TRPC4AP: variants seen among roughly 807,000 people sequenced by gnomAD.
The protein encoded by TRPC4AP is short transient receptor potential channel 4-associated protein.
In TRPC4AP, 45 loss-of-function variants were observed where a neutral mutation model predicts 99.0. The ratio of observed to expected loss-of-function variants is 0.45; its 90% CI spans 0.36 to 0.58. The LOEUF (loss-of-function observed/expected upper bound fraction) is 0.58, where lower values mean the gene tolerates loss of function less well. Ranked by LOEUF, TRPC4AP falls within the 20% of genes least tolerant of loss-of-function variation. The pLI, the probability that TRPC4AP is intolerant of heterozygous loss-of-function variation, is 0.00. For missense variants in TRPC4AP, 879 were observed against 985.3 expected, an observed-to-expected ratio of 0.89 and a Z score of 1.44; for synonymous variants, 408 against 385.8, an observed-to-expected ratio of 1.06 and a Z score of -0.67.
intron 2 of TRPC4AP, 91 bp downstream of exon 2, chr20:35,077,955 T>A: frequency 7.0e-7 from 1 of 1,433,938 alleles, no homozygotes; most frequent in Non-Finnish European, 9.4e-7. Flanking sequence ...AGGCTATTTT[T>A]AAAAGCCAAC....
chr20:35,019,613 T>C (rs1032764541), intron 9 of TRPC4AP, among the ~76,000 whole-genome samples: 2 of 152,152 alleles, frequency 1.3e-5, no homozygotes, highest in African/African-American at 2.4e-5. Flanking sequence ...GAAAAAGTAA[T>C]AGCACTCAAT....
chr20:35,039,218 A>T (rs987599867), intron 7 of TRPC4AP, among the ~76,000 whole-genome samples: 2 of 152,258 alleles, frequency 1.3e-5, no homozygotes, highest in Admixed American at 6.5e-5. Flanking sequence ...CTCTCAGGAC[A>T]GCATGTAGGA....
intron 17 of TRPC4AP, 77 bp downstream of exon 17, chr20:35,004,380 GA>G: frequency 7.6e-7 from 1 of 1,316,742 alleles, no homozygotes; most frequent in South Asian, 1.3e-5. Flanking sequence ...GTGGGGGACA[GA>G]AACCTGCTGG....
chr20:35,074,600 T>C (rs993251571), intron 2 of TRPC4AP, among the ~76,000 whole-genome samples: 1 of 152,246 alleles, frequency 6.6e-6, no homozygotes, highest in African/African-American at 2.4e-5. Flanking sequence ...TTCTTAATCC[T>C]GAGTTCTAGT....
chr20:35,012,396 GC>G (rs2082659345), intron 11 of TRPC4AP, among the ~76,000 whole-genome samples: 1 of 152,194 alleles, frequency 6.6e-6, no homozygotes, highest in African/African-American at 2.4e-5. Context: ...CACGCAGCTG[GC>G]TGGAGCTGAG....
intron 7 of TRPC4AP, among the ~76,000 whole-genome samples, chr20:35,040,722 G>T (rs1277164003): frequency 6.6e-6 from 1 of 152,160 alleles, no homozygotes; most frequent in East Asian, 1.9e-4. Flanking sequence ...TCCTGCTTCA[G>T]CCTCCCAGGT....
At chr20:35,055,425 T>C (rs2083802378) in intron 4 of TRPC4AP, among the ~76,000 whole-genome samples, 1 of 152,256 alleles carries the variant, frequency 6.6e-6, no homozygotes, top group Non-Finnish European at 1.5e-5. Context: ...AATATATATG[T>C]GTATCCTTTT....
At chr20:35,057,285 A>G (rs2083857875) in intron 4 of TRPC4AP, among the ~76,000 whole-genome samples, 1 of 152,222 alleles carries the variant, frequency 6.6e-6, no homozygotes, top group African/African-American at 2.4e-5. Flanking sequence ...TCACAGGACT[A>G]TCAAAAGTAC....
intron 2 of TRPC4AP, 84 bp downstream of exon 2, chr20:35,077,962 C>A: frequency 6.9e-7 from 1 of 1,451,734 alleles, no homozygotes; most frequent in Non-Finnish European, 9.2e-7. Flanking sequence ...TTTTAAAAGC[C>A]AACGGAAGGG....
intron 11 of TRPC4AP, among the ~76,000 whole-genome samples, chr20:35,012,686 C>T (rs1373547279): frequency 3.3e-5 from 5 of 152,218 alleles, no homozygotes; most frequent in Non-Finnish European, 5.9e-5. Context: ...GGAATAGCCA[C>T]GCTGTCCACT....
In TRPC4AP at chr20:35,044,545, C is replaced by T. The variant is rs995578833; in HGVS notation, c.825G>A (p.Lys275=). Residue 275 remains lysine (K), a synonymous_variant, in exon 7 of 19, where the codon AAG becomes AAA. Transcript: ENST00000252015. ...CTGCAGAAGGCCCCAAACTCAAGCT[C>T]TTCTTCTGTTGAGCATTTTTGGCAA... The part of the protein sequence containing the change: ...TLLAKNAQQK[K]SLSLGPSAAE... 3.1e-6 allele frequency: 5 copies of T among 1,614,060 alleles called. No homozygotes were observed. Among genetic ancestry groups the T allele is most frequent in the Non-Finnish European group, 4.2e-6 (5 of 1,180,038 alleles).
chr20:35,030,137 A>T (rs1268216155), intron 8 of TRPC4AP, among the ~76,000 whole-genome samples: 3 of 149,526 alleles, frequency 2.0e-5, no homozygotes, highest in Non-Finnish European at 4.4e-5. Context: ...GCTACTAGAG[A>T]GGCTGAGGTA....
At chr20:35,032,764 G>A (rs939449170) in intron 8 of TRPC4AP, among the ~76,000 whole-genome samples, 4 of 152,052 alleles carry the variant, frequency 2.6e-5, no homozygotes, top group Admixed American at 6.6e-5. Context: ...GAGCCAACGC[G>A]CCCAGCCCTT....
chr20:35,017,117 T>A (rs2082772647), intron 9 of TRPC4AP, among the ~76,000 whole-genome samples: 1 of 152,194 alleles, frequency 6.6e-6, no homozygotes, highest in Non-Finnish European at 1.5e-5. Context: ...ACTATAGCAT[T>A]ATTTGTAATA....
chr20:35,017,793 T>C (rs1463306737), intron 9 of TRPC4AP, among the ~76,000 whole-genome samples: 2 of 152,218 alleles, frequency 1.3e-5, no homozygotes, highest in African/African-American at 4.8e-5. Context: ...GTAAAAGTAA[T>C]TGCGATTTTT....
chr20:35,069,947 A>G (rs962630373), intron 2 of TRPC4AP, among the ~76,000 whole-genome samples: 1 of 152,162 alleles, frequency 6.6e-6, no homozygotes, highest in Admixed American at 6.5e-5. Flanking sequence ...TCATTAAAAA[A>G]AAATAAAAAG....
chr20:35,035,065 T>C (rs1231998129), intron 8 of TRPC4AP, 58 bp downstream of exon 8: 2 of 1,528,110 alleles, frequency 1.3e-6, no homozygotes, highest in Middle Eastern at 1.8e-4. Flanking sequence ...AGAGCAAGAA[T>C]GGTCCCAGGC....
At chr20:35,010,126 G>A (rs1406183448) in intron 12 of TRPC4AP, 61 bp downstream of exon 12, 5 of 1,430,784 alleles carry the variant, frequency 3.5e-6, no homozygotes, top group Non-Finnish European at 4.9e-6. Flanking sequence ...TCACCGGTGA[G>A]CCCCCGGGGA....
At chr20:35,082,209 A>C (rs1407339289) in intron 1 of TRPC4AP, among the ~76,000 whole-genome samples, 1 of 152,210 alleles carries the variant, frequency 6.6e-6, no homozygotes, top group African/African-American at 2.4e-5. Context: ...TCAAAAACTG[A>C]TATATGCAGA....
Sources: allele counts gnomAD v4.1 joint callset (sites outside exome capture counted in the v4.1 genomes callset), GRCh38; gene constraint gnomAD v4.1.1; transcripts MANE v1.5; gene names NCBI Gene and HGNC (gene_info 2026-07-23, HGNC 2026-07-21).